The following TRAPPC9 variants were observed in gnomAD, a reference collection of about 807,000 sequenced individuals.
The protein encoded by TRAPPC9 is trafficking protein particle complex subunit 9, also known as IKK2 binding protein.
TRAPPC9 carries 83 observed loss-of-function variants against 124.0 expected under a neutral mutation model. The ratio of observed to expected loss-of-function variants is 0.67; its 90% CI spans 0.56 to 0.80. The LOEUF (loss-of-function observed/expected upper bound fraction) is 0.80. Ranked by LOEUF, TRAPPC9 falls within the 30% of genes least tolerant of loss-of-function variation. The probability of loss-of-function intolerance (pLI) is 0.00; values close to 1 mark genes in which losing one functional copy is unlikely to be tolerated. For synonymous variants in TRAPPC9, 638 were observed against 617.5 expected, an observed-to-expected ratio of 1.03 and a Z score of -0.49; for missense variants, 1,302 against 1,508.3, an observed-to-expected ratio of 0.86 and a Z score of 2.27.
At chr8:139,988,101 ACC>A (rs1189053040) in intron 19 of TRAPPC9, among the ~76,000 whole-genome samples, 2 of 97,964 alleles carry the variant, frequency 2.0e-5, no homozygotes, top group Non-Finnish European at 4.2e-5. Flanking sequence ...TCCAGATACC[ACC>A]TCTTTTTTTT....
chr8:139,743,330 G>A (rs566911108), intron 21 of TRAPPC9, among the ~76,000 whole-genome samples: 17 of 152,252 alleles, frequency 1.1e-4, no homozygotes, highest in African/African-American at 3.4e-4. Context: ...AACCTTTTGC[G>A]CTGGCGAGAA....
chr8:140,354,123 A>G (rs2067669255), intron 9 of TRAPPC9, among the ~76,000 whole-genome samples: 1 of 152,226 alleles, frequency 6.6e-6, no homozygotes, highest in Non-Finnish European at 1.5e-5. Flanking sequence ...TGAATGTGAG[A>G]GTGGGAAAAG....
In TRAPPC9 at chr8:139,732,092, C is replaced by A; in HGVS notation, c.3166G>T (p.Gly1056Trp). The A allele has an allele frequency of 1.2e-6, 2 of 1,605,926 alleles. No homozygotes were observed. Among genetic ancestry groups the A allele is most frequent in the South Asian group, 1.1e-5 (1 of 89,472 alleles). Reference sequence around the variant, plus strand: ...GGGACCACAGTGAGGGCGAAGGGCCCTACGCTGCGCGGGCTCCGGTTGGTC... The same window carrying A: ...GGGACCACAGTGAGGGCGAAGGGCCATACGCTGCGCGGGCTCCGGTTGGTC... ...RLTNRSPRSV[G>W]PFALTVVPFQ... The change falls in exon 22 of 23, where the codon GGG (glycine) becomes TGG (tryptophan). Residue 1056 changes from glycine to tryptophan, a missense_variant. Transcript: ENST00000438773.
upstream of TRAPPC9, among the ~76,000 whole-genome samples, chr8:140,458,065 G>C (rs2071760342): frequency 7.9e-6 from 1 of 126,646 alleles, no homozygotes; most frequent in African/African-American, 3.2e-5. Context: ...GCGAGAGAGA[G>C]AAGCGGGGGA....
chr8:140,405,621 C>G lies in TRAPPC9; in HGVS notation c.964G>C (p.Asp322His). 6.2e-7 allele frequency: 1 copy of G among 1,614,144 alleles called. No individual in the cohort carries two copies. Among genetic ancestry groups the G allele is most frequent in the Non-Finnish European group, 8.5e-7 (1 of 1,180,008 alleles). The change falls in exon 6 of 23, where the codon GAC becomes CAC. Residue 322 changes from aspartate to histidine, a missense_variant. Asp to His is a moderately conservative substitution (Grantham distance 81). Around this residue, in one of 3 missense-constraint regions of TRAPPC9, gnomAD observed 657 missense variants for 811.2 expected, o/e 0.81. Coordinates refer to ENST00000438773, the MANE Select transcript of TRAPPC9 (RefSeq NM_001160372.4). The stretch of plus-strand genomic sequence containing the variant: ...GCCTCTTTATACTTGTCAATTATGT[C>G]TTCAGGGCTAAGGCAGTTCTTAGCA... The part of the protein sequence containing the change: ...GRAKNCLSPE[D>H]IIDKYKEAIS...
chr8:139,929,801 G>A (rs1198835944), intron 19 of TRAPPC9, among the ~76,000 whole-genome samples: 1 of 152,222 alleles, frequency 6.6e-6, no homozygotes, highest in Non-Finnish European at 1.5e-5. Context: ...CTGGCCAGGT[G>A]TTCAAGGAAG....
At chr8:140,391,394 A>T (rs1177277891) in intron 7 of TRAPPC9, among the ~76,000 whole-genome samples, 1 of 152,218 alleles carries the variant, frequency 6.6e-6, no homozygotes, top group Admixed American at 6.5e-5. Context: ...TCTTACTGTC[A>T]CTTGCCATTT....
chr8:139,963,181 T>A (rs545533286), intron 19 of TRAPPC9, among the ~76,000 whole-genome samples: 2 of 152,192 alleles, frequency 1.3e-5, no homozygotes, highest in African/African-American at 4.8e-5. Flanking sequence ...GACCTTTGGA[T>A]ACAATACATA....
chr8:140,355,803 T>C (rs1260436326), intron 9 of TRAPPC9, among the ~76,000 whole-genome samples: 4 of 152,206 alleles, frequency 2.6e-5, no homozygotes, highest in Non-Finnish European at 5.9e-5. Context: ...GTCGTTTCAA[T>C]AAGAGTTCAC....
intron 15 of TRAPPC9, among the ~76,000 whole-genome samples, chr8:140,272,011 G>GAC (rs201656965): frequency 8.1e-6 from 1 of 123,202 alleles, no homozygotes; most frequent in Admixed American, 8.2e-5. Flanking sequence ...TGATGGTGGT[G>GAC]ACGGGTGATG....
intron 19 of TRAPPC9, among the ~76,000 whole-genome samples, chr8:139,979,455 T>C (rs1186160628): frequency 6.6e-6 from 1 of 152,190 alleles, no homozygotes; most frequent in Non-Finnish European, 1.5e-5. Flanking sequence ...CGCAGACAGC[T>C]GCAGCCTGGC....
At chr8:140,162,120 A>G (rs570393734) in intron 17 of TRAPPC9, among the ~76,000 whole-genome samples, 2 of 152,288 alleles carry the variant, frequency 1.3e-5, no homozygotes, top group Admixed American at 1.3e-4. Flanking sequence ...ATTTCTGTAA[A>G]TTATACTGAG....
chr8:139,782,918 G>C (rs562934837), intron 21 of TRAPPC9, among the ~76,000 whole-genome samples: 2 of 152,172 alleles, frequency 1.3e-5, no homozygotes, highest in South Asian at 4.2e-4. Flanking sequence ...CAAATCTTTA[G>C]AAACTGAACA....
intron 7 of TRAPPC9, among the ~76,000 whole-genome samples, chr8:140,393,281 A>G (rs1454858808): frequency 6.6e-6 from 1 of 152,050 alleles, no homozygotes; most frequent in Non-Finnish European, 1.5e-5. Context: ...ATGAGGTTAC[A>G]TAACTATTCC....
intron 15 of TRAPPC9, among the ~76,000 whole-genome samples, chr8:140,269,450 A>G (rs1018148414): frequency 6.6e-6 from 1 of 152,028 alleles, no homozygotes; most frequent in African/African-American, 2.4e-5. Flanking sequence ...CTGAGGCAGG[A>G]GAATGGCGTG....
chr8:140,096,040 A>AGG (rs1297720596), intron 17 of TRAPPC9: 1 of 152,222 alleles, frequency 6.6e-6, no homozygotes. Flanking sequence ...ATACCACGTG[A>AGG]GGGAGGGCGC....
chr8:139,761,244 C>T (rs1422752075), intron 21 of TRAPPC9, among the ~76,000 whole-genome samples: 3 of 152,116 alleles, frequency 2.0e-5, no homozygotes, highest in African/African-American at 7.2e-5. Context: ...GAAACAGAGA[C>T]CAACTGGGCC....
intron 19 of TRAPPC9, among the ~76,000 whole-genome samples, chr8:139,912,065 G>A (rs1831773235): frequency 6.6e-6 from 1 of 152,094 alleles, no homozygotes; most frequent in Admixed American, 6.5e-5. Flanking sequence ...TTATTTTCTG[G>A]TTCTCTAAGT....
At chr8:139,926,912 A>C (rs1048132724) in intron 19 of TRAPPC9, among the ~76,000 whole-genome samples, 2 of 152,274 alleles carry the variant, frequency 1.3e-5, no homozygotes, top group Non-Finnish European at 2.9e-5. Flanking sequence ...CAACACATTG[A>C]TTAGACAAAA....
Sources: allele counts gnomAD v4.1 joint callset (sites outside exome capture counted in the v4.1 genomes callset), GRCh38; gene constraint gnomAD v4.1.1; regional missense constraint gnomAD v4.1.1; transcripts MANE v1.5; gene names NCBI Gene and HGNC (gene_info 2026-07-23, HGNC 2026-07-21).